UFSP2: variants seen among roughly 807,000 people sequenced by gnomAD.
The protein encoded by UFSP2 is UFM1 specific peptidase 2, also known as ufm1-specific protease 2.
In UFSP2, 43 loss-of-function variants were observed where a neutral mutation model predicts 60.2. The ratio of observed to expected loss-of-function variants is 0.71; its 90% CI spans 0.56 to 0.92. The LOEUF is 0.92. UFSP2 is among the 40% of genes least tolerant of loss of function. The probability of loss-of-function intolerance (pLI) is 0.00; values close to 1 mark genes in which losing one functional copy is unlikely to be tolerated. For missense variants in UFSP2, 520 were observed against 575.0 expected (o/e 0.90, Z 0.98); for synonymous variants, 183 against 195.1 (o/e 0.94, Z 0.52).
chr4:185,410,681 T>C (rs1165931331), intron 7 of UFSP2, among the ~76,000 whole-genome samples: 5 of 148,420 alleles, frequency 3.4e-5, no homozygotes, highest in Non-Finnish European at 3.0e-5. Flanking sequence ...GCGCAGTGGC[T>C]CACGCCTGTA....
Position 185,400,344 on chromosome 4 carries a change from C to G in UFSP2, c.*48G>C, listed in dbSNP as rs748107400. 2 of 1,411,496 alleles carry G rather than the reference C, an allele frequency of 1.4e-6. No homozygotes were observed. The highest frequency in any genetic ancestry group is 1.2e-5 in the South Asian group (1 of 81,220). The allele number at this position is 1,411,496 out of a possible 1,614,324, so 87.4% of individuals were successfully genotyped here. ...TGAAAAATTAAACTGATTCTTTATT[C>G]ACAAATTTATAATACCACTCTACTG... On this transcript the variant is annotated 3_prime_UTR_variant, in exon 12 of 12. Transcript: ENST00000264689.
intron 7 of UFSP2, among the ~76,000 whole-genome samples, chr4:185,411,938 A>G (rs781072785): frequency 1.3e-5 from 2 of 152,254 alleles, no homozygotes; most frequent in South Asian, 2.1e-4. Context: ...GCTGAGATTG[A>G]TATGTAACAT....
At chr4:185,423,813 TACAC>T (rs755315481) in intron 1 of UFSP2, among the ~76,000 whole-genome samples, 7 of 150,804 alleles carry the variant, frequency 4.6e-5, no homozygotes, top group Non-Finnish European at 5.9e-5. Flanking sequence ...CATACATATA[TACAC>T]ACACACACAC....
chr4:185,416,023 G>A (rs1262668625), intron 4 of UFSP2, 156 bp from the exon 5 acceptor site: 2 of 544,304 alleles, frequency 3.7e-6, no homozygotes, highest in African/African-American at 3.9e-5. Context: ...TAGAGAACAA[G>A]GAGTTCAATC....
At chr4:185,422,671 C>A in intron 1 of UFSP2, 108 bp from the exon 2 acceptor site, 1 of 741,328 alleles carries the variant, frequency 1.3e-6, no homozygotes, top group Admixed American at 3.4e-5. Context: ...AACCTTGATT[C>A]TTCAAATTAT....
intron 1 of UFSP2, 41 bp downstream of exon 1, chr4:185,425,825 G>T (rs993723368): frequency 6.3e-7 from 1 of 1,596,382 alleles, no homozygotes; most frequent in Non-Finnish European, 8.5e-7. Context: ...GCCAAAGTCC[G>T]GGGAAAAACA....
At chr4:185,419,320 C>T (rs1351300108) in intron 2 of UFSP2, among the ~76,000 whole-genome samples, 2 of 151,940 alleles carry the variant, frequency 1.3e-5, no homozygotes, top group East Asian at 1.9e-4. Context: ...TTAGTAGAGA[C>T]GGGGTTTCAC....
chr4:185,410,037 A>G (rs912456935), intron 7 of UFSP2, among the ~76,000 whole-genome samples: 2 of 152,226 alleles, frequency 1.3e-5, no homozygotes, highest in African/African-American at 4.8e-5. Context: ...TAAGCCATCA[A>G]ATATGTTATT....
chr4:185,400,960 A>G (rs2095512548), intron 11 of UFSP2, among the ~76,000 whole-genome samples: 1 of 152,306 alleles, frequency 6.6e-6, no homozygotes, highest in South Asian at 2.1e-4. Context: ...ACTCAATTCT[A>G]CTTCCCATGT....
intron 7 of UFSP2, 25 bp downstream of exon 7, chr4:185,413,701 C>A: frequency 2.5e-6 from 4 of 1,593,152 alleles, no homozygotes; most frequent in Non-Finnish European, 3.4e-6. Context: ...TCCAGTGACT[C>A]CCATAAATAA....
At chr4:185,400,910 C>G (rs1365401241) in intron 11 of UFSP2, among the ~76,000 whole-genome samples, 1 of 152,244 alleles carries the variant, frequency 6.6e-6, no homozygotes, top group Non-Finnish European at 1.5e-5. Flanking sequence ...TGCCCCCTGC[C>G]TGGCACTCTG....
rs2095536734 is a variant in UFSP2 at position 185,415,385 on chromosome 4, A to G, written c.492-38T>C. On this transcript the variant is annotated intron_variant, in intron 5 of 11. Transcript: ENST00000264689. ...ATATATAAGTGTATTAACAAAAGTT[A>G]TAGTGACTACAATAAAGAAAAGTAC... The G allele has an allele frequency of 2.0e-6, 3 of 1,486,870 alleles. No homozygotes were observed. The African/African-American group carries it at 4.3e-5, about 21-fold the overall frequency. The allele number at this position is 1,486,870 out of a possible 1,614,324, so 92.1% of individuals were successfully genotyped here. A position where few individuals can be genotyped will look rare whatever the true frequency, so the allele number is the denominator to read the frequency against.
Position 185,418,846 on chromosome 4 carries a change from G to C in UFSP2, c.83-76C>G. ...TGAATGGTTCCAAACATACACAAAA[G>C]TAGAGCATAGTAAAACTCTCAATAC... On this transcript the variant is annotated intron_variant, in intron 2 of 11. Transcript: ENST00000264689. 5 of 1,156,746 alleles carry C rather than the reference G, an allele frequency of 4.3e-6. No homozygotes were observed. The South Asian group carries it at 7.4e-5, about 17-fold the overall frequency. The allele number at this position is 1,156,746 out of a possible 1,614,324, so 71.7% of individuals were successfully genotyped here.
At chr4:185,419,136 TTTC>T (rs1460991788) in intron 2 of UFSP2, among the ~76,000 whole-genome samples, 1 of 152,122 alleles carries the variant, frequency 6.6e-6, no homozygotes, top group Non-Finnish European at 1.5e-5. Flanking sequence ...TCCTACATCT[TTTC>T]TTTTTTTTTT....
At chr4:185,418,274 T>G (rs1351035876) in intron 4 of UFSP2, among the ~76,000 whole-genome samples, 167 bp downstream of exon 4, 1 of 152,162 alleles carries the variant, frequency 6.6e-6, no homozygotes, top group African/African-American at 2.4e-5. Flanking sequence ...AGACAAAAAC[T>G]TAGATAAGTA....
At chr4:185,403,189 A>G (rs545414354) in intron 11 of UFSP2, among the ~76,000 whole-genome samples, 168 of 152,344 alleles carry the variant, frequency 1.1e-3, no homozygotes, top group Non-Finnish European at 1.7e-3. Flanking sequence ...AGACATTGAT[A>G]AACTTTGATA....
intron 8 of UFSP2, 80 bp downstream of exon 8, chr4:185,408,191 G>A (rs1049316137): frequency 6.5e-7 from 1 of 1,547,630 alleles, no homozygotes; most frequent in Non-Finnish European, 8.9e-7. Context: ...TGCACCATGA[G>A]GTAACAAAAA....
rs202233404 is a variant in UFSP2, at chr4:185,399,743, T to G, written c.*649A>C. ...AGACAGAAACGGAGTCTCGGAAGTG[T>G]AGAAAATACCAGTGGGAAAAGGAAG... On this transcript the variant is annotated 3_prime_UTR_variant, in exon 12 of 12. Transcript: ENST00000264689. 3 of 1,614,130 alleles carry G rather than the reference T, an allele frequency of 1.9e-6. No homozygotes were observed. In the East Asian group the frequency reaches 6.7e-5, roughly 36 times the overall value.
chr4:185,405,328 C>T (rs549817705), intron 10 of UFSP2, among the ~76,000 whole-genome samples: 13 of 152,286 alleles, frequency 8.5e-5, no homozygotes, highest in African/African-American at 2.6e-4. Flanking sequence ...ACTAGTCTCA[C>T]CTTGCCTTCT....
Sources: gnomAD v4.1 joint callset for allele counts (sites outside exome capture counted in the v4.1 genomes callset) on GRCh38, gnomAD v4.1.1 for gene constraint, MANE v1.5 for transcripts, NCBI Gene and HGNC (gene_info 2026-07-23, HGNC 2026-07-21) for gene names.